Variants in MRPL1 observed in about 807,000 individuals in gnomAD.
MRPL1 encodes the protein large ribosomal subunit protein uL1m.
In MRPL1, 28 loss-of-function variants were observed where a neutral mutation model predicts 38.0. The ratio of observed to expected loss-of-function variants is 0.74; its 90% CI spans 0.55 to 1.01. The LOEUF (loss-of-function observed/expected upper bound fraction) is 1.01, where lower values mean the gene tolerates loss of function less well. MRPL1 is among the 50% of genes least tolerant of loss of function. The pLI is 0.00. For synonymous variants in MRPL1, 123 were observed against 126.7 expected (o/e 0.97, Z 0.20); for missense variants, 358 against 389.8 (o/e 0.92, Z 0.69).
intron 6 of MRPL1, among the ~76,000 whole-genome samples, chr4:77,908,737 G>C (rs1736217312): frequency 6.6e-6 from 1 of 152,230 alleles, no homozygotes; most frequent in African/African-American, 2.4e-5. Context: ...ATGTGTAGCA[G>C]AGTTGGGTTC....
rs192197171 is a variant in MRPL1, at chr4:77,893,937, T to A, written c.559-202T>A. 6.6e-5 allele frequency among the ~76,000 whole-genome samples: 10 copies of A among 152,208 alleles called. No homozygotes were observed. The East Asian group carries it at 1.9e-3, about 29-fold the overall frequency. ...CCATTAATTTTTTTTTTTAAGGATG[T>A]GGCTGTTTTTAAAGGAAAATGTTTT... On this transcript the variant is annotated intron_variant, in intron 5 of 8. Coordinates refer to ENST00000315567, the MANE Select transcript of MRPL1 (RefSeq NM_020236.4).
chr4:77,870,143 C>T (rs1010694295), intron 1 of MRPL1, among the ~76,000 whole-genome samples: 2 of 152,180 alleles, frequency 1.3e-5, no homozygotes, highest in Admixed American at 1.3e-4. Flanking sequence ...TTCCTCCTGC[C>T]TTGGCCTCCC....
At chr4:77,929,969 G>A (rs979927153) in intron 7 of MRPL1, among the ~76,000 whole-genome samples, 1 of 152,190 alleles carries the variant, frequency 6.6e-6, no homozygotes, top group Non-Finnish European at 1.5e-5. Context: ...GAATGCAGCT[G>A]TTATAAATGG....
rs72868296 is a variant in MRPL1 at position 77,869,511 on chromosome 4, T to C, written c.32-2233T>C. ...TTCTTTTGGTCTGTAGTGTTTGATT[T>C]CTGTTGAAAATTGTAGTTTCTGGTT... On this transcript the variant is annotated intron_variant, in intron 1 of 8. Transcript: ENST00000315567. 5.8e-4 allele frequency among the ~76,000 whole-genome samples: 89 copies of C among 152,330 alleles called. 1 individual carries two copies. Among genetic ancestry groups the C allele is most frequent in the African/African-American group, 2.0e-3 (84 of 41,572 alleles).
chr4:77,927,466 T>G (rs1023315141), intron 7 of MRPL1, among the ~76,000 whole-genome samples: 1 of 152,182 alleles, frequency 6.6e-6, no homozygotes, highest in Non-Finnish European at 1.5e-5. Flanking sequence ...TCTGTTTTTT[T>G]ATATCACAGG....
intron 7 of MRPL1, among the ~76,000 whole-genome samples, chr4:77,916,103 T>G (rs1437977184): frequency 6.6e-6 from 1 of 152,112 alleles, no homozygotes; most frequent in Admixed American, 6.6e-5. Flanking sequence ...TAAGGCAGAT[T>G]CTCAAAAAAT....
chr4:77,919,756 A>G (rs1343050103), intron 7 of MRPL1, among the ~76,000 whole-genome samples: 2 of 152,056 alleles, frequency 1.3e-5, no homozygotes, highest in East Asian at 1.9e-4. Context: ...AATAAATTAC[A>G]TAACTCTCAT....
intron 6 of MRPL1, among the ~76,000 whole-genome samples, chr4:77,900,792 T>C (rs1473563741): frequency 1.3e-5 from 2 of 152,256 alleles, no homozygotes; most frequent in African/African-American, 2.4e-5. Context: ...AGAATGAGTA[T>C]TGTGAGAACT....
chr4:77,870,451 T>C (rs114055323), intron 1 of MRPL1, among the ~76,000 whole-genome samples: 1,809 of 152,308 alleles, frequency 0.012, 15 homozygotes, highest in Non-Finnish European at 0.019. Context: ...TAAACTGATA[T>C]GAAGTGATCT....
At chr4:77,885,897 C>T (rs1735666293) in intron 4 of MRPL1, among the ~76,000 whole-genome samples, 1 of 152,156 alleles carries the variant, frequency 6.6e-6, no homozygotes, top group Non-Finnish European at 1.5e-5. Context: ...GTGTTTCTCA[C>T]AAGAAACTGA....
intron 7 of MRPL1, among the ~76,000 whole-genome samples, chr4:77,939,223 A>G (rs1737061319): frequency 2.0e-5 from 3 of 152,122 alleles, no homozygotes; most frequent in Admixed American, 2.0e-4. Flanking sequence ...AATTCCATCC[A>G]GGTTGCTGTT....
chr4:77,882,563 G>GGTATAAATGGAATAATAT (rs2110234690), intron 2 of MRPL1, among the ~76,000 whole-genome samples: 1 of 152,106 alleles, frequency 6.6e-6, no homozygotes, highest in Non-Finnish European at 1.5e-5. Context: ...CTTGATATTT[G>GGTATAAATGGAATAATAT]GTATAAATGG....
At chr4:77,864,940 G>A (rs1735094851) in intron 1 of MRPL1, 1 of 150,508 alleles carries the variant, frequency 6.6e-6, no homozygotes, top group South Asian at 2.1e-4. Flanking sequence ...ACCCAGGCTG[G>A]AGTGCAGTGG....
chr4:77,937,804 A>G (rs1187644577), intron 7 of MRPL1, among the ~76,000 whole-genome samples: 1 of 152,170 alleles, frequency 6.6e-6, no homozygotes, highest in Admixed American at 6.5e-5. Flanking sequence ...TTTCAAATGC[A>G]TATATAAAGT....
At chr4:77,925,779 A>G (rs910832540) in intron 7 of MRPL1, among the ~76,000 whole-genome samples, 20 of 151,986 alleles carry the variant, frequency 1.3e-4, no homozygotes, top group Admixed American at 2.6e-4. Context: ...GTAGTCTGCA[A>G]TGGCACTTTT....
intron 5 of MRPL1, among the ~76,000 whole-genome samples, chr4:77,893,116 A>G (rs551996026): frequency 3.5e-4 from 53 of 152,322 alleles, no homozygotes; most frequent in African/African-American, 1.3e-3. Context: ...TTTGAATGGC[A>G]TATTGTAAGA....
chr4:77,927,599 T>C (rs1736744284), intron 7 of MRPL1, among the ~76,000 whole-genome samples: 2 of 152,012 alleles, frequency 1.3e-5, no homozygotes, highest in Non-Finnish European at 2.9e-5. Context: ...TAAAAACTAT[T>C]ACTATAGTAT....
chr4:77,871,225 A>C (rs1223173914), intron 1 of MRPL1, among the ~76,000 whole-genome samples: 2 of 152,024 alleles, frequency 1.3e-5, no homozygotes, highest in African/African-American at 4.8e-5. Flanking sequence ...TGTCTTTAAA[A>C]GAAAAAAAAA....
chr4:77,941,095 AT>A (rs1737116940), intron 7 of MRPL1, among the ~76,000 whole-genome samples: 1 of 151,726 alleles, frequency 6.6e-6, no homozygotes, highest in African/African-American at 2.4e-5. Flanking sequence ...GTGAAACCAC[AT>A]GTCTACTAAA....
Sources: allele counts gnomAD v4.1 joint callset (sites outside exome capture counted in the v4.1 genomes callset), GRCh38; gene constraint gnomAD v4.1.1; transcripts MANE v1.5; gene names NCBI Gene and HGNC (gene_info 2026-07-23, HGNC 2026-07-21).